The following DAB1 variants were observed in gnomAD, a reference collection of about 807,000 sequenced individuals.
DAB1 encodes DAB adaptor protein 1, also known as disabled homolog 1.
In DAB1, 15 loss-of-function variants were observed where a neutral mutation model predicts 64.6. That is an observed-to-expected ratio of 0.23 (90% CI 0.16 to 0.36). The LOEUF (loss-of-function observed/expected upper bound fraction) is 0.36. Ranked by LOEUF, DAB1 falls within the 10% of genes least tolerant of loss-of-function variation. DAB1 has a pLI of 1.00. For missense variants in DAB1, 596 were observed against 706.7 expected, an observed-to-expected ratio of 0.84 and a Z score of 1.78; for synonymous variants, 235 against 251.9, an observed-to-expected ratio of 0.93 and a Z score of 0.64.
intron 2 of DAB1, among the ~76,000 whole-genome samples, chr1:57,220,328 C>T (rs751844705): frequency 3.9e-5 from 6 of 152,102 alleles, no homozygotes; most frequent in East Asian, 3.9e-4. Context: ...TCAGCTGCAT[C>T]GTTTCATCAT....
At chr1:57,395,592 A>T (rs1288210217) in intron 1 of DAB1, among the ~76,000 whole-genome samples, 2 of 152,206 alleles carry the variant, frequency 1.3e-5, no homozygotes, top group African/African-American at 2.4e-5. Context: ...AGATGAAATG[A>T]TCTGTATCTG....
intron 4 of DAB1, among the ~76,000 whole-genome samples, chr1:58,180,281 CTTTTTTTTTTTTTTTTTTTTT>C (rs869204611): frequency 8.2e-5 from 5 of 61,034 alleles, no homozygotes; most frequent in East Asian, 5.3e-4. Flanking sequence ...TTTTTCTTTT[CTTTTTTTTTTTTTTTTTTTTT>C]TTTTTTTTGA....
chr1:57,855,912 G>C (rs1407881065), intron 1 of DAB1, among the ~76,000 whole-genome samples: 1 of 152,216 alleles, frequency 6.6e-6, no homozygotes, highest in Admixed American at 6.5e-5. Flanking sequence ...CTGCTGAAAA[G>C]GTCCCAGGAG....
At chr1:57,111,194 G>A (rs17453874) in intron 4 of DAB1, among the ~76,000 whole-genome samples, 1,995 of 152,100 alleles carry the variant, frequency 0.013, 32 homozygotes, top group Admixed American at 0.052. Context: ...GGAAGGAAAG[G>A]TTGACACACC....
chr1:57,835,023 AAAG>A (rs1652749642), intron 1 of DAB1, among the ~76,000 whole-genome samples: 1 of 152,226 alleles, frequency 6.6e-6, no homozygotes, highest in African/African-American at 2.4e-5. Context: ...GCTCAATCTT[AAAG>A]AATGATAAAG....
At chr1:57,699,185 C>T (rs1207290522) in intron 6 of DAB1, among the ~76,000 whole-genome samples, 1 of 152,196 alleles carries the variant, frequency 6.6e-6, no homozygotes, top group Admixed American at 6.5e-5. Flanking sequence ...AAGCAATTCT[C>T]CCACTTTGGC....
intron 6 of DAB1, among the ~76,000 whole-genome samples, chr1:57,753,878 A>G (rs1251254541): frequency 2.6e-5 from 4 of 152,308 alleles, no homozygotes; most frequent in East Asian, 3.9e-4. Flanking sequence ...TTTACTTCCA[A>G]TTCTAGAGGT....
intron 1 of DAB1, among the ~76,000 whole-genome samples, chr1:57,851,503 T>C (rs1653523399): frequency 6.6e-6 from 1 of 152,186 alleles, no homozygotes. Context: ...TCAGGCTATC[T>C]GAGGAGTCTT....
At chr1:58,245,291 C>G (rs1208710543) in intron 4 of DAB1, among the ~76,000 whole-genome samples, 1 of 152,178 alleles carries the variant, frequency 6.6e-6, no homozygotes, top group Admixed American at 6.5e-5. Context: ...GGGATCAACT[C>G]TTACATCTAA....
Position 58,254,499 on chromosome 1 carries a change from C to T in DAB1, n.309+88853G>A, listed in dbSNP as rs796369373. 5.3e-3 allele frequency among the ~76,000 whole-genome samples: 670 copies of T among 126,628 alleles called. 5 individuals carry two copies. The highest frequency in any genetic ancestry group is 0.02 in the African/African-American group (636 of 32,108). The allele number at this position is 126,628 out of a possible 152,430, so 83.1% of individuals were successfully genotyped here. A position where few individuals can be genotyped will look rare whatever the true frequency, so the allele number is the denominator to read the frequency against. On this transcript the variant is annotated intron_variant and non_coding_transcript_variant, in intron 4 of 20. Coordinates refer to the DAB1 transcript ENST00000485760. ...TGCTGGTGCGCTGCACCCACTAACT[C>T]GTCATCTAGCATTAGGTATATCTCC... is the stretch of plus-strand genomic sequence containing the variant.
At chr1:58,118,501 T>TAC (rs1192664324) in intron 5 of DAB1, among the ~76,000 whole-genome samples, 55 of 63,288 alleles carry the variant, frequency 8.7e-4, no homozygotes, top group Non-Finnish European at 1.0e-3. Context: ...TATATATATA[T>TAC]ATACACACAC....
chr1:57,340,813 G>A (rs1294485281), intron 1 of DAB1, among the ~76,000 whole-genome samples: 1 of 152,178 alleles, frequency 6.6e-6, no homozygotes, highest in Non-Finnish European at 1.5e-5. Flanking sequence ...CTGGTAAACA[G>A]CACCATCTGA....
intron 4 of DAB1, among the ~76,000 whole-genome samples, chr1:58,292,689 C>A (rs1030751000): frequency 6.6e-6 from 1 of 151,948 alleles, no homozygotes; most frequent in African/African-American, 2.4e-5. Flanking sequence ...TCTGCATAGA[C>A]CCCAGAAACC....
At chr1:58,231,204 A>T (rs1175836867) in intron 4 of DAB1, among the ~76,000 whole-genome samples, 1 of 152,196 alleles carries the variant, frequency 6.6e-6, no homozygotes, top group African/African-American at 2.4e-5. Context: ...GAGTGAGTGA[A>T]TTAGCCAGGA....
At chr1:57,300,355 G>A (rs1673539925) in intron 1 of DAB1, among the ~76,000 whole-genome samples, 2 of 152,166 alleles carry the variant, frequency 1.3e-5, no homozygotes, top group Non-Finnish European at 2.9e-5. Context: ...GGATTCTCAG[G>A]AATGCAGAGG....
intron 9 of DAB1, among the ~76,000 whole-genome samples, chr1:57,036,044 G>C (rs373028481): frequency 6.6e-6 from 1 of 151,602 alleles, no homozygotes; most frequent in East Asian, 1.9e-4. Context: ...GGTTTTGCCA[G>C]TTTGGCCAGG....
Position 58,112,510 on chromosome 1 carries a change from C to A in DAB1, n.387+38001G>T, listed in dbSNP as rs556650850. Among the ~76,000 whole-genome samples the A allele has an allele frequency of 2.0e-5, 3 of 152,300 alleles. 1 individual carries two copies. The South Asian group carries it at 6.2e-4, about 32-fold the overall frequency. ...GTAATCCCAAACCTGAGACTATTTT[C>A]TCTCCAGTAAAATGGAGACAATGAT... On this transcript the variant is annotated intron_variant and non_coding_transcript_variant, in intron 5 of 20. Transcript: ENST00000485760.
At chr1:58,267,031 C>T (rs1661185546) in intron 4 of DAB1, among the ~76,000 whole-genome samples, 1 of 152,048 alleles carries the variant, frequency 6.6e-6, no homozygotes, top group Non-Finnish European at 1.5e-5. Context: ...AACAGCCTGA[C>T]CAATATGGTG....
At chr1:57,719,583 G>A (rs1647127183) in intron 6 of DAB1, among the ~76,000 whole-genome samples, 1 of 152,222 alleles carries the variant, frequency 6.6e-6, no homozygotes, top group Non-Finnish European at 1.5e-5. Flanking sequence ...TAGTGAGTGA[G>A]TTCTCACGAG....
Sources: allele counts gnomAD v4.1 joint callset (sites outside exome capture counted in the v4.1 genomes callset), GRCh38; gene constraint gnomAD v4.1.1; transcripts MANE v1.5; gene names NCBI Gene and HGNC (gene_info 2026-07-23, HGNC 2026-07-21).